The following NEXN variants were observed in gnomAD, a reference collection of about 807,000 sequenced individuals.
NEXN encodes the protein nexilin.
Under a neutral mutation model 92.6 loss-of-function variants are expected in NEXN, and 65 were observed. The observed-to-expected ratio is 0.70, with a 90% CI of 0.57 to 0.86. The LOEUF (loss-of-function observed/expected upper bound fraction) is 0.86. NEXN is among the 40% of genes least tolerant of loss of function. The probability of loss-of-function intolerance (pLI) is 0.00; values close to 1 mark genes in which losing one functional copy is unlikely to be tolerated. For missense variants in NEXN, 778 were observed against 771.1 expected (o/e 1.01, Z -0.11); for synonymous variants, 254 against 242.5 (o/e 1.05, Z -0.44).
At chr1:77,912,061 AGAGTG>A (rs1366179740) in intron 1 of NEXN, among the ~76,000 whole-genome samples, 1 of 151,202 alleles carries the variant, frequency 6.6e-6, no homozygotes, top group Non-Finnish European at 1.5e-5. Flanking sequence ...TCTGGGCGAC[AGAGTG>A]AGACTCTGTC....
chr1:77,916,167 G>C (rs1235626071), intron 2 of NEXN, 34 bp downstream of exon 2: 4 of 1,541,646 alleles, frequency 2.6e-6, no homozygotes, highest in Middle Eastern at 1.7e-4. Flanking sequence ...AAATAAAAGA[G>C]GGAAATGTAG....
At chr1:77,900,303 T>C (rs958513744) in intron 1 of NEXN, among the ~76,000 whole-genome samples, 3 of 152,226 alleles carry the variant, frequency 2.0e-5, no homozygotes, top group African/African-American at 7.2e-5. Context: ...ATTGTCTCCG[T>C]GAAACCTTCT....
chr1:77,892,746 G>A (rs1299729607), intron 1 of NEXN, among the ~76,000 whole-genome samples: 2 of 152,068 alleles, frequency 1.3e-5, no homozygotes, highest in Non-Finnish European at 2.9e-5. Flanking sequence ...GTGTCGATTA[G>A]AGCTGGAAGG....
At chr1:77,891,363 T>C (rs1364482544) in intron 1 of NEXN, among the ~76,000 whole-genome samples, 4 of 152,190 alleles carry the variant, frequency 2.6e-5, no homozygotes, top group Non-Finnish European at 5.9e-5. Context: ...TCTTTTTGCA[T>C]TGACATATCT....
chr1:77,905,525 G>A (rs978311512), intron 1 of NEXN, among the ~76,000 whole-genome samples: 4 of 150,810 alleles, frequency 2.7e-5, no homozygotes, highest in African/African-American at 7.3e-5. Flanking sequence ...ACCCTGTCTC[G>A]ACAAAAAAAT....
chr1:77,908,448 T>C (rs1349538263), intron 1 of NEXN, among the ~76,000 whole-genome samples: 1 of 143,168 alleles, frequency 7.0e-6, no homozygotes, highest in Non-Finnish European at 1.5e-5. Flanking sequence ...TTGCCCAGGC[T>C]GGAGTGCAAT....
At chr1:77,908,114 G>A (rs573929219) in intron 1 of NEXN, among the ~76,000 whole-genome samples, 3 of 151,982 alleles carry the variant, frequency 2.0e-5, no homozygotes, top group African/African-American at 7.2e-5. Context: ...CTCATGCTTT[G>A]TTGCCCAGCC....
chr1:77,905,003 C>G (rs1648002660), intron 1 of NEXN, among the ~76,000 whole-genome samples: 1 of 152,190 alleles, frequency 6.6e-6, no homozygotes, highest in African/African-American at 2.4e-5. Context: ...GTGGCTCACG[C>G]CTTTAATCCT....
At chr1:77,891,747 TA>T (rs373772489) in intron 1 of NEXN, among the ~76,000 whole-genome samples, 8,576 of 128,916 alleles carry the variant, frequency 0.067, 593 homozygotes, top group African/African-American at 0.2. Context: ...GGAAAAAAAG[TA>T]AAAAAAAAAA....
chr1:77,917,876 T>C (rs1649100550), intron 3 of NEXN, 84 bp from the exon 4 acceptor site: 1 of 1,449,556 alleles, frequency 6.9e-7, no homozygotes, highest in African/African-American at 1.4e-5. Context: ...TTTCTGTATT[T>C]GTAACCTAAT....
At chr1:77,921,531 A>T (rs1333376811) in intron 5 of NEXN, among the ~76,000 whole-genome samples, 2 of 151,946 alleles carry the variant, frequency 1.3e-5, no homozygotes, top group East Asian at 1.9e-4. Context: ...TGCAGCCTCA[A>T]CCTTCTGGGC....
At chr1:77,913,841 G>A (rs1648761973) in intron 1 of NEXN, among the ~76,000 whole-genome samples, 1 of 152,190 alleles carries the variant, frequency 6.6e-6, no homozygotes, top group Non-Finnish European at 1.5e-5. Context: ...CAACCAAGAT[G>A]TCATTTGGTA....
intron 10 of NEXN, among the ~76,000 whole-genome samples, chr1:77,934,763 G>A (rs1650609817): frequency 6.6e-6 from 1 of 152,218 alleles, no homozygotes; most frequent in Admixed American, 6.5e-5. Flanking sequence ...CATGAACAGG[G>A]TCAGGGTCTA....
rs1156640974 is a variant in NEXN at position 77,943,145 on chromosome 1, G to T, written c.*316G>T. ...GTAACAGTCAATAAAATGTACTTAT[G>T]GGGGGGAATTACTCAATTATTCTAT... is the stretch of plus-strand genomic sequence containing the variant. On this transcript the variant is annotated 3_prime_UTR_variant, in exon 13 of 13. Coordinates refer to ENST00000334785, the MANE Select transcript of NEXN (RefSeq NM_144573.4). 5.7e-6 allele frequency: 2 copies of T among 350,610 alleles called. No individual in the cohort carries two copies. Among genetic ancestry groups the T allele is most frequent in the East Asian group, 6.9e-5 (1 of 14,506 alleles). The allele number at this position is 350,610 out of a possible 1,614,324, so 21.7% of individuals were successfully genotyped here.
intron 1 of NEXN, among the ~76,000 whole-genome samples, chr1:77,893,637 T>C (rs1024929982): frequency 6.6e-6 from 1 of 152,164 alleles, no homozygotes; most frequent in African/African-American, 2.4e-5. Context: ...GAGCTTGTAC[T>C]ATGTCCTAGG....
At chr1:77,936,666 C>T (rs972232139) in intron 11 of NEXN, among the ~76,000 whole-genome samples, 1 of 152,212 alleles carries the variant, frequency 6.6e-6, no homozygotes, top group Admixed American at 6.5e-5. Context: ...CACTGACCTG[C>T]AACATCCCTT....
intron 10 of NEXN, among the ~76,000 whole-genome samples, chr1:77,934,861 G>T (rs1279258223): frequency 6.6e-6 from 1 of 152,174 alleles, no homozygotes; most frequent in Non-Finnish European, 1.5e-5. Flanking sequence ...TATAACCTAG[G>T]AACCAGAAAT....
intron 1 of NEXN, among the ~76,000 whole-genome samples, chr1:77,898,648 A>G (rs1647426809): frequency 6.6e-6 from 1 of 152,234 alleles, no homozygotes; most frequent in African/African-American, 2.4e-5. Context: ...AACAAAAGCC[A>G]AAATTGACAA....
chr1:77,908,852 G>A (rs1265883878), intron 1 of NEXN, among the ~76,000 whole-genome samples: 3 of 152,104 alleles, frequency 2.0e-5, no homozygotes, highest in African/African-American at 7.2e-5. Context: ...TTCATATAAT[G>A]CTCTCAGCTA....
Sources: gnomAD v4.1 joint callset for allele counts (sites outside exome capture counted in the v4.1 genomes callset) on GRCh38, gnomAD v4.1.1 for gene constraint, MANE v1.5 for transcripts, NCBI Gene and HGNC (gene_info 2026-07-23, HGNC 2026-07-21) for gene names.